The following KIF13A variants were observed in gnomAD, a reference collection of about 807,000 sequenced individuals.
The protein encoded by KIF13A is kinesin family member 13A, also known as kinesin-like protein KIF13A.
KIF13A carries 79 observed loss-of-function variants against 212.2 expected under a neutral mutation model. The observed-to-expected ratio is 0.37, with a 90% CI of 0.31 to 0.45. The LOEUF (loss-of-function observed/expected upper bound fraction) is 0.45, where lower values mean the gene tolerates loss of function less well. KIF13A is among the 20% of genes least tolerant of loss of function. KIF13A has a pLI of 1.00. For missense variants in KIF13A, 1,901 were observed against 2,209.0 expected (o/e 0.86, Z 2.79); for synonymous variants, 789 against 808.6 (o/e 0.98, Z 0.41).
intron 2 of KIF13A, among the ~76,000 whole-genome samples, chr6:17,925,258 T>C (rs987890277): frequency 6.6e-6 from 1 of 152,140 alleles, no homozygotes; most frequent in Non-Finnish European, 1.5e-5. Context: ...TGCTGATGAG[T>C]TGATCTGAGG....
At chr6:17,877,019 T>C (rs1770623468) in intron 3 of KIF13A, among the ~76,000 whole-genome samples, 1 of 152,132 alleles carries the variant, frequency 6.6e-6, no homozygotes, top group South Asian at 2.1e-4. Context: ...CCTGCAATGT[T>C]TATAGTAGTC....
Position 17,821,704 on chromosome 6 carries a change from A to G in KIF13A, c.1786+4064T>C. The G allele has an allele frequency of 1.4e-6, 2 of 1,453,894 alleles. 1 individual carries two copies. Among genetic ancestry groups the G allele is most frequent in the Middle Eastern group, 3.5e-4 (2 of 5,638 alleles). 90.1% of individuals were successfully genotyped at this position (1,453,894 alleles called of 1,614,324 possible). On this transcript the variant is annotated intron_variant, in intron 16 of 38. Coordinates refer to ENST00000259711, the MANE Select transcript of KIF13A (RefSeq NM_022113.6). ...AATCATGTTAGTTAGATTTTTGCCAAAGCATGGAGCATGAGCATCAATCAG... is the reference window on the plus strand; with the variant it reads ...AATCATGTTAGTTAGATTTTTGCCAGAGCATGGAGCATGAGCATCAATCAG...
rs138578348 is a variant in KIF13A, at chr6:17,873,324, A to G, written c.220+53T>C. 6,387 of 1,214,654 alleles carry G rather than the reference A, an allele frequency of 5.3e-3. 22 individuals are homozygous for G. The highest frequency in any genetic ancestry group is 6.9e-3 in the Non-Finnish European group (5,894 of 849,384). The allele number at this position is 1,214,654 out of a possible 1,614,324, so 75.2% of individuals were successfully genotyped here. A position where few individuals can be genotyped will look rare whatever the true frequency, so the allele number is the denominator to read the frequency against. ...AGAGGAATTAAAGAAAATAAACTCA[A>G]TGGAAGAAGAGGCCAGAAGCCCAAC... On this transcript the variant is annotated intron_variant, in intron 4 of 38. Transcript: ENST00000259711.
At chr6:17,877,268 C>T (rs559391347) in intron 3 of KIF13A, among the ~76,000 whole-genome samples, 1 of 152,004 alleles carries the variant, frequency 6.6e-6, no homozygotes, top group African/African-American at 2.4e-5. Flanking sequence ...ATCATCAACC[C>T]GAGATCCAAA....
chr6:17,950,933 T>C, intron 2 of KIF13A: 1 of 976,892 alleles, frequency 1.0e-6, no homozygotes, highest in Non-Finnish European at 1.2e-6. Flanking sequence ...CTCTAATTAC[T>C]AAAGGACTTT....
At chr6:17,831,817 T>C (rs1182330188) in intron 12 of KIF13A, among the ~76,000 whole-genome samples, 1 of 150,984 alleles carries the variant, frequency 6.6e-6, no homozygotes, top group African/African-American at 2.4e-5. Flanking sequence ...GAAGGCCTTG[T>C]ATTCACTCAT....
chr6:17,958,876 C>CTTTTTTTTTTT (rs398000716), intron 2 of KIF13A, among the ~76,000 whole-genome samples: 95 of 82,950 alleles, frequency 1.1e-3, no homozygotes, highest in East Asian at 1.6e-3. Flanking sequence ...TTTTCTTTTT[C>CTTTTTTTTTTT]TTTTTTTTTT....
At chr6:17,973,042 G>A (rs561394297) in intron 2 of KIF13A, among the ~76,000 whole-genome samples, 6 of 152,276 alleles carry the variant, frequency 3.9e-5, no homozygotes, top group African/African-American at 1.2e-4. Flanking sequence ...ACTAACCTGA[G>A]TTCATCCCAC....
At chr6:17,885,467 T>A (rs1299242811) in intron 3 of KIF13A, among the ~76,000 whole-genome samples, 1 of 152,228 alleles carries the variant, frequency 6.6e-6, no homozygotes, top group Non-Finnish European at 1.5e-5. Flanking sequence ...GGACTGATTG[T>A]GAAGATGTGA....
chr6:17,821,817 C>T, intron 16 of KIF13A: 1 of 1,535,310 alleles, frequency 6.5e-7, no homozygotes, highest in Non-Finnish European at 8.7e-7. Context: ...GGAGCTTCGT[C>T]TGAAACCACA....
In KIF13A at chr6:17,826,675, G is replaced by A. The variant is rs1764984422; in HGVS notation, c.1533-551C>T. 6.6e-6 allele frequency among the ~76,000 whole-genome samples: 1 copy of A among 152,068 alleles called. No individual in the cohort carries two copies. The highest frequency in any genetic ancestry group is 1.5e-5 in the Non-Finnish European group (1 of 68,018). On this transcript the variant is annotated intron_variant, in intron 14 of 38. Coordinates refer to ENST00000259711, the MANE Select transcript of KIF13A (RefSeq NM_022113.6). This position sits in a 1 kb window ranked among gnomAD's most constrained non-coding sequence, Gnocchi z 4.7. ...TCTAAGAGGAATACTATAAAACAAT[G>A]GTAGGATCTTATCTGGATCCTAATT...
At chr6:17,885,727 T>C (rs1486151959) in intron 3 of KIF13A, among the ~76,000 whole-genome samples, 1 of 152,230 alleles carries the variant, frequency 6.6e-6, no homozygotes, top group Non-Finnish European at 1.5e-5. Context: ...ACCAATATTA[T>C]AACAGCACAG....
chr6:17,793,082 C>A (rs1224824077), intron 25 of KIF13A, among the ~76,000 whole-genome samples: 2 of 151,862 alleles, frequency 1.3e-5, no homozygotes, highest in African/African-American at 4.8e-5. Context: ...GGGACAAGAT[C>A]CTAATTTTAT....
chr6:17,793,955 G>T (rs1422289359), intron 25 of KIF13A, among the ~76,000 whole-genome samples: 1 of 151,918 alleles, frequency 6.6e-6, no homozygotes, highest in Non-Finnish European at 1.5e-5. Flanking sequence ...AAGTGGATCA[G>T]GTCAGGCAGT....
Position 17,780,714 on chromosome 6 carries a change from C to G in KIF13A, c.3846+16G>C. On this transcript the variant is annotated intron_variant, in intron 31 of 38. Coordinates refer to ENST00000259711, the MANE Select transcript of KIF13A (RefSeq NM_022113.6). ...GAGCTCAGAGCCAGAATGGCACAAT[C>G]AGGCCCCGTTATTACCTGTTTGTTG... is the stretch of plus-strand genomic sequence containing the variant. 6.2e-7 allele frequency: 1 copy of G among 1,609,950 alleles called. No homozygotes were observed. Among genetic ancestry groups the G allele is most frequent in the Non-Finnish European group, 8.5e-7 (1 of 1,177,068 alleles).
chr6:17,893,310 A>G (rs542999972), intron 3 of KIF13A, among the ~76,000 whole-genome samples: 1 of 152,344 alleles, frequency 6.6e-6, no homozygotes, highest in East Asian at 1.9e-4. Flanking sequence ...GTCTACAATC[A>G]AATAACCAAA....
chr6:17,821,062 T>C (rs1764387024), intron 16 of KIF13A, among the ~76,000 whole-genome samples: 1 of 152,218 alleles, frequency 6.6e-6, no homozygotes, highest in Admixed American at 6.5e-5. Flanking sequence ...AGGCTCACTA[T>C]GTTGCCCAGG....
chr6:17,841,089 TTTTTTTC>T (rs1354433901), intron 9 of KIF13A, among the ~76,000 whole-genome samples: 3 of 134,620 alleles, frequency 2.2e-5, no homozygotes, highest in African/African-American at 5.6e-5. Context: ...CTTTTTTTTT[TTTTTTTC>T]CAAAGACAGG....
intron 17 of KIF13A, among the ~76,000 whole-genome samples, chr6:17,814,408 CTGACT>C (rs1459597965): frequency 1.3e-5 from 2 of 151,834 alleles, no homozygotes; most frequent in African/African-American, 2.4e-5. Context: ...ACGACCGCAC[CTGACT>C]TATTTTTGTA....
Sources: gnomAD v4.1 joint callset for allele counts (sites outside exome capture counted in the v4.1 genomes callset) on GRCh38, gnomAD v4.1.1 for gene constraint, Gnocchi (gnomAD v3.1) non-coding constraint, MANE v1.5 for transcripts, NCBI Gene and HGNC (gene_info 2026-07-23, HGNC 2026-07-21) for gene names.